CHST9: variants seen among roughly 807,000 people sequenced by gnomAD.
CHST9 encodes carbohydrate sulfotransferase 9, also known as GalNAc-4-sulfotransferase 2.
In CHST9, 41 loss-of-function variants were observed where a neutral mutation model predicts 44.4. That is an observed-to-expected ratio of 0.92 (90% CI 0.72 to 1.20). The LOEUF (loss-of-function observed/expected upper bound fraction) is 1.20, where lower values mean the gene tolerates loss of function less well. Ranked by LOEUF, CHST9 falls within the 50% of genes most tolerant of loss-of-function variation. CHST9 has a pLI of 0.00. For synonymous variants in CHST9, 171 were observed against 178.4 expected, an observed-to-expected ratio of 0.96 and a Z score of 0.33; for missense variants, 504 against 516.5, an observed-to-expected ratio of 0.98 and a Z score of 0.23.
chr18:26,918,183 C>T (rs533559549), intron 5 of CHST9, among the ~76,000 whole-genome samples: 17 of 152,228 alleles, frequency 1.1e-4, no homozygotes, highest in Non-Finnish European at 1.6e-4. Flanking sequence ...ACGGGATTTA[C>T]AAGGTGGCAT....
chr18:27,078,334 C>T (rs2057926105), intron 2 of CHST9, among the ~76,000 whole-genome samples: 1 of 152,228 alleles, frequency 6.6e-6, no homozygotes, highest in African/African-American at 2.4e-5. Flanking sequence ...TCTAGTCCCT[C>T]TATAAAATGC....
intron 4 of CHST9, among the ~76,000 whole-genome samples, chr18:26,977,364 T>C (rs1320593900): frequency 6.7e-6 from 1 of 149,228 alleles, no homozygotes; most frequent in East Asian, 2.0e-4. Context: ...GACCTTTCAC[T>C]ACCAAGCCTT....
At chr18:27,014,633 C>T (rs1024248606) in intron 4 of CHST9, among the ~76,000 whole-genome samples, 2 of 151,690 alleles carry the variant, frequency 1.3e-5, no homozygotes, top group South Asian at 2.1e-4. Context: ...TTGAAAGCAG[C>T]GAATCAAAAA....
chr18:27,063,781 T>C (rs1440477482), intron 2 of CHST9, among the ~76,000 whole-genome samples: 1 of 152,202 alleles, frequency 6.6e-6, no homozygotes, highest in Non-Finnish European at 1.5e-5. Flanking sequence ...AAAAAAGTTA[T>C]GAGATTATTT....
intron 4 of CHST9, among the ~76,000 whole-genome samples, chr18:27,016,979 C>A (rs1459093773): frequency 6.6e-6 from 1 of 152,072 alleles, no homozygotes; most frequent in Non-Finnish European, 1.5e-5. Context: ...TGCTGAAAGA[C>A]AGTGAATAAT....
chr18:27,116,653 C>A (rs539689196), intron 2 of CHST9, among the ~76,000 whole-genome samples: 70 of 152,240 alleles, frequency 4.6e-4, no homozygotes, highest in South Asian at 1.9e-3. Context: ...ATTTTAACAG[C>A]AAGTATGTTG....
chr18:27,145,191 T>C (rs1172611602), intron 1 of CHST9, among the ~76,000 whole-genome samples: 2 of 152,086 alleles, frequency 1.3e-5, no homozygotes, highest in Non-Finnish European at 2.9e-5. Context: ...TGTTTGTTTG[T>C]TTTGTTTATT....
chr18:27,054,416 G>A (rs536881278), intron 2 of CHST9, among the ~76,000 whole-genome samples: 3 of 152,182 alleles, frequency 2.0e-5, no homozygotes, highest in East Asian at 1.9e-4. Flanking sequence ...CTCCACTTGC[G>A]ATGAATAAAA....
intron 3 of CHST9, among the ~76,000 whole-genome samples, chr18:27,040,023 G>T (rs1216152978): frequency 6.6e-6 from 1 of 152,052 alleles, no homozygotes; most frequent in Non-Finnish European, 1.5e-5. Context: ...GGGACTTTTT[G>T]GAGGAGGAAA....
intron 2 of CHST9, among the ~76,000 whole-genome samples, chr18:27,088,423 T>A (rs185114560): frequency 6.8e-6 from 1 of 148,078 alleles, no homozygotes; most frequent in African/African-American, 2.5e-5. Flanking sequence ...TGAGATGGAG[T>A]CTCGCTCTGT....
chr18:26,923,882 G>A (rs867073328), intron 5 of CHST9, among the ~76,000 whole-genome samples: 72 of 152,290 alleles, frequency 4.7e-4, no homozygotes, highest in African/African-American at 1.7e-3. Context: ...TGCCTGAGAT[G>A]AGCCTGGGAA....
At chr18:27,039,603 G>A (rs2057423938) in intron 3 of CHST9, among the ~76,000 whole-genome samples, 1 of 152,076 alleles carries the variant, frequency 6.6e-6, no homozygotes, top group African/African-American at 2.4e-5. Flanking sequence ...GCACAACAAT[G>A]TGAATGTACT....
chr18:27,161,459 C>A (rs1598769397), intron 1 of CHST9, among the ~76,000 whole-genome samples: 1 of 152,132 alleles, frequency 6.6e-6, no homozygotes. Flanking sequence ...AGTTTGATTG[C>A]ACTGTGGTCT....
intron 4 of CHST9, among the ~76,000 whole-genome samples, chr18:26,977,425 TAAAA>T (rs34131355): frequency 7.4e-6 from 1 of 134,620 alleles, no homozygotes; most frequent in Non-Finnish European, 1.6e-5. Context: ...AGGTCACTTG[TAAAA>T]AAAAAAAAAA....
intron 1 of CHST9, among the ~76,000 whole-genome samples, chr18:27,147,060 ATTT>A (rs374261398): frequency 0.011 from 1,704 of 151,950 alleles, 25 homozygotes; most frequent in African/African-American, 0.036. Flanking sequence ...GCAGACATTT[ATTT>A]TTTTATTTTT....
At chr18:26,942,257 C>T (rs2056094606) in intron 5 of CHST9, among the ~76,000 whole-genome samples, 1 of 152,078 alleles carries the variant, frequency 6.6e-6, no homozygotes, top group African/African-American at 2.4e-5. Context: ...GCCAGTGTAT[C>T]ATTCTTGAGA....
intron 4 of CHST9, among the ~76,000 whole-genome samples, chr18:27,004,757 A>G (rs1264973584): frequency 6.6e-6 from 1 of 152,186 alleles, no homozygotes; most frequent in Non-Finnish European, 1.5e-5. Flanking sequence ...ATTTATTTTA[A>G]TTAGGCAGAA....
intron 1 of CHST9, among the ~76,000 whole-genome samples, chr18:27,170,209 C>G (rs950974126): frequency 6.6e-6 from 1 of 152,158 alleles, no homozygotes; most frequent in Admixed American, 6.5e-5. Flanking sequence ...GTCATACACA[C>G]ATCTTCATGG....
At chr18:27,146,010 C>T (rs1017135663) in intron 1 of CHST9, among the ~76,000 whole-genome samples, 3 of 152,128 alleles carry the variant, frequency 2.0e-5, no homozygotes, top group Non-Finnish European at 4.4e-5. Flanking sequence ...AAGAAAGAGA[C>T]TTTTACAATC....
Sources: gnomAD v4.1 joint callset for allele counts (sites outside exome capture counted in the v4.1 genomes callset) on GRCh38, gnomAD v4.1.1 for gene constraint, MANE v1.5 for transcripts, NCBI Gene and HGNC (gene_info 2026-07-23, HGNC 2026-07-21) for gene names.